The following LYPD6 variants were observed in gnomAD, a reference collection of about 807,000 sequenced individuals.
The protein encoded by LYPD6 is ly6/PLAUR domain-containing protein 6.
A neutral mutation model predicts 22.7 loss-of-function variants in LYPD6; 15 were observed. The observed-to-expected ratio is 0.66, with a 90% CI of 0.44 to 1.02. LYPD6 has a LOEUF of 1.02. LYPD6 is among the 50% of genes least tolerant of loss of function. The pLI, the probability that LYPD6 is intolerant of heterozygous loss-of-function variation, is 0.00. For synonymous variants in LYPD6, 72 were observed against 77.5 expected, an observed-to-expected ratio of 0.93 and a Z score of 0.37; for missense variants, 189 against 208.4, an observed-to-expected ratio of 0.91 and a Z score of 0.57.
At chr2:149,450,613 GA>G (rs1261690863) in intron 3 of LYPD6, among the ~76,000 whole-genome samples, 1 of 152,118 alleles carries the variant, frequency 6.6e-6, no homozygotes, top group African/African-American at 2.4e-5. Context: ...CTGAGTAATC[GA>G]AAATAAGTTT....
chr2:149,376,524 A>G (rs1277159502), intron 1 of LYPD6, among the ~76,000 whole-genome samples: 1 of 152,186 alleles, frequency 6.6e-6, no homozygotes, highest in African/African-American at 2.4e-5. Flanking sequence ...CTAATCTCCC[A>G]TCTGTAAAAT....
chr2:149,384,588 C>T (rs1682138543), intron 1 of LYPD6, among the ~76,000 whole-genome samples: 1 of 152,150 alleles, frequency 6.6e-6, no homozygotes, highest in Non-Finnish European at 1.5e-5. Context: ...CGTGTTGGCA[C>T]TATAGCTGTT....
intron 1 of LYPD6, among the ~76,000 whole-genome samples, chr2:149,428,516 G>A (rs1269852300): frequency 2.6e-5 from 4 of 152,128 alleles, no homozygotes; most frequent in South Asian, 4.1e-4. Flanking sequence ...ATGTTTCTGC[G>A]TGTCACACCT....
In LYPD6 at chr2:149,426,350, G is replaced by A. The variant is rs117792409; in HGVS notation, c.-71-11288G>A. Among the ~76,000 whole-genome samples the A allele has an allele frequency of 1.3e-3, 198 of 152,302 alleles. 6 individuals are homozygous for A. In the East Asian group the frequency reaches 0.036, roughly 28 times the overall value. On this transcript the variant is annotated intron_variant, in intron 1 of 4. Transcript: ENST00000334166. ...TGGGAAAAACCCTACTCCATGCCAG[G>A]TAGGACACAAGATTCAGTATGAGTT... is the stretch of plus-strand genomic sequence containing the variant.
At chr2:149,425,324 T>C (rs556430526) in intron 1 of LYPD6, among the ~76,000 whole-genome samples, 20 of 152,246 alleles carry the variant, frequency 1.3e-4, no homozygotes, top group Non-Finnish European at 2.6e-4. Flanking sequence ...AGAATAACAT[T>C]AATGATTTTA....
intron 1 of LYPD6, among the ~76,000 whole-genome samples, chr2:149,337,542 C>T (rs1259209794): frequency 6.6e-6 from 1 of 151,974 alleles, no homozygotes; most frequent in African/African-American, 2.4e-5. Context: ...TGGATTTTGT[C>T]TCTCTTTCAG....
intron 1 of LYPD6, among the ~76,000 whole-genome samples, chr2:149,434,319 A>G (rs946906048): frequency 4.6e-5 from 7 of 152,190 alleles, no homozygotes; most frequent in African/African-American, 1.4e-4. Flanking sequence ...ACTTTTTTCC[A>G]AAAAGTAACC....
intron 3 of LYPD6, among the ~76,000 whole-genome samples, chr2:149,466,531 G>T (rs1299684716): frequency 2.0e-5 from 3 of 152,118 alleles, no homozygotes; most frequent in African/African-American, 7.2e-5. Flanking sequence ...TAGGTACTAA[G>T]GTTTTGCATG....
intron 2 of LYPD6, among the ~76,000 whole-genome samples, chr2:149,439,557 A>T (rs1683511097): frequency 6.6e-6 from 1 of 152,154 alleles, no homozygotes; most frequent in Non-Finnish European, 1.5e-5. Context: ...TCCACACTGG[A>T]CCTACACGGA....
chr2:149,465,138 T>C (rs1422216407), intron 3 of LYPD6, among the ~76,000 whole-genome samples: 1 of 152,162 alleles, frequency 6.6e-6, no homozygotes, highest in Non-Finnish European at 1.5e-5. Flanking sequence ...ATATCGACTT[T>C]CATATTAGGG....
chr2:149,407,843 T>C (rs897430882), intron 1 of LYPD6, among the ~76,000 whole-genome samples: 2 of 152,160 alleles, frequency 1.3e-5, no homozygotes, highest in Admixed American at 1.3e-4. Flanking sequence ...TCTGCTCTGT[T>C]TTTTCCCCAT....
At chr2:149,465,371 A>G (rs1219875681) in intron 3 of LYPD6, among the ~76,000 whole-genome samples, 1 of 152,182 alleles carries the variant, frequency 6.6e-6, no homozygotes. Flanking sequence ...CTATGTGAAC[A>G]GTAAGGAATG....
At chr2:149,400,204 C>T (rs1207109194) in intron 1 of LYPD6, among the ~76,000 whole-genome samples, 2 of 152,224 alleles carry the variant, frequency 1.3e-5, no homozygotes, top group Non-Finnish European at 2.9e-5. Flanking sequence ...AGTGTGTCCA[C>T]TGTCTGAGCA....
intron 1 of LYPD6, among the ~76,000 whole-genome samples, chr2:149,343,101 T>C (rs1681192014): frequency 6.6e-6 from 1 of 152,142 alleles, no homozygotes; most frequent in South Asian, 2.1e-4. Context: ...ACATGCAAAT[T>C]CAAGAAAGGT....
At chr2:149,412,303 T>C (rs1397216980) in intron 1 of LYPD6, among the ~76,000 whole-genome samples, 1 of 152,110 alleles carries the variant, frequency 6.6e-6, no homozygotes, top group Non-Finnish European at 1.5e-5. Context: ...TTGATTCACA[T>C]TTCTTTAACT....
At chr2:149,418,881 G>A (rs1256190666) in intron 1 of LYPD6, among the ~76,000 whole-genome samples, 3 of 152,194 alleles carry the variant, frequency 2.0e-5, no homozygotes, top group African/African-American at 7.2e-5. Context: ...CTCTCTCAAA[G>A]GCAGTTCTTT....
chr2:149,417,779 A>T (rs903080796), intron 1 of LYPD6, among the ~76,000 whole-genome samples: 5 of 152,238 alleles, frequency 3.3e-5, no homozygotes, highest in Non-Finnish European at 7.3e-5. Context: ...CTTCCAAAAA[A>T]TACTGAGCTG....
At chr2:149,452,813 G>A (rs1680866101) in intron 3 of LYPD6, among the ~76,000 whole-genome samples, 1 of 152,124 alleles carries the variant, frequency 6.6e-6, no homozygotes, top group Non-Finnish European at 1.5e-5. Context: ...TTATTGTTTG[G>A]CCAAGTAAGT....
At chr2:149,415,300 C>T (rs559182466) in intron 1 of LYPD6, among the ~76,000 whole-genome samples, 1 of 152,278 alleles carries the variant, frequency 6.6e-6, no homozygotes, top group Non-Finnish European at 1.5e-5. Context: ...AGACTGGCTG[C>T]CAAACCTCAG....
Sources: gnomAD v4.1 joint callset for allele counts (sites outside exome capture counted in the v4.1 genomes callset) on GRCh38, gnomAD v4.1.1 for gene constraint, MANE v1.5 for transcripts, NCBI Gene and HGNC (gene_info 2026-07-23, HGNC 2026-07-21) for gene names.